INTS4: variants seen among roughly 807,000 people sequenced by gnomAD.
The protein encoded by INTS4 is integrator complex subunit 4, also known as MSTP093.
In INTS4, 70 loss-of-function variants were observed where a neutral mutation model predicts 119.5. That is an observed-to-expected ratio of 0.59 (90% CI 0.48 to 0.71). The LOEUF (loss-of-function observed/expected upper bound fraction) is 0.71, where lower values mean the gene tolerates loss of function less well. Ranked by LOEUF, INTS4 falls within the 30% of genes least tolerant of loss-of-function variation. INTS4 has a pLI of 0.00. For missense variants in INTS4, 867 were observed against 1,173.2 expected (o/e 0.74, Z 3.81); for synonymous variants, 316 against 419.6 (o/e 0.75, Z 3.02).
chr11:77,965,167 A>T (rs1855445810), intron 4 of INTS4, among the ~76,000 whole-genome samples: 1 of 152,186 alleles, frequency 6.6e-6, no homozygotes, highest in East Asian at 1.9e-4. Flanking sequence ...GGTTCAAGCA[A>T]TCCTCCTGAC....
Position 77,883,896 on chromosome 11 carries a change from C to G in INTS4, c.2649G>C (p.Arg883=). 1 of 1,613,074 alleles carries G rather than the reference C, an allele frequency of 6.2e-7. No homozygotes were observed. The highest frequency in any genetic ancestry group is 8.5e-7 in the Non-Finnish European group (1 of 1,179,552). Residue 883 remains arginine, a synonymous_variant, in exon 22 of 23, where the codon CGG becomes CGC. Transcript: ENST00000534064. The part of the protein sequence containing the change: ...QMIHPKPADF[R]NPGPGRHRLI... ...GCCGGTGCCGCCCTGGGCCAGGATT[C>G]CGGAAGTCTGCAGGCTTGGGGTGAA...
In INTS4 at chr11:77,960,255, C is replaced by G. The variant is rs747115213; in HGVS notation, c.708+86G>C. 7.6e-6 allele frequency: 7 copies of G among 919,838 alleles called. No homozygotes were observed. The South Asian group carries it at 1.1e-4, about 14-fold the overall frequency. 57.0% of individuals were successfully genotyped at this position (919,838 alleles called of 1,614,324 possible). A position where few individuals can be genotyped will look rare whatever the true frequency, so the allele number is the denominator to read the frequency against. ...CCACTATTAACTAGCGAAGTCCTTA[C>G]GTTTTCAAATTCTGAGAACCTGTGT... On this transcript the variant is annotated intron_variant, in intron 6 of 22. Coordinates refer to ENST00000534064, the MANE Select transcript of INTS4 (RefSeq NM_033547.4).
At chr11:77,943,710 T>C (rs1042900931) in intron 8 of INTS4, among the ~76,000 whole-genome samples, 15 of 152,230 alleles carry the variant, frequency 9.9e-5, no homozygotes, top group Non-Finnish European at 1.5e-4. Context: ...TAGTTAATGC[T>C]ATGAAAACCT....
At chr11:77,921,784 A>T (rs1404550309) in intron 13 of INTS4, among the ~76,000 whole-genome samples, 1 of 152,164 alleles carries the variant, frequency 6.6e-6, no homozygotes, top group African/African-American at 2.4e-5. Context: ...TAATCCCAAC[A>T]CTTTGGGAGG....
At chr11:77,894,689 T>G (rs1447839190) in intron 18 of INTS4, among the ~76,000 whole-genome samples, 1 of 152,238 alleles carries the variant, frequency 6.6e-6, no homozygotes, top group East Asian at 1.9e-4. Flanking sequence ...GAGTCCTTGC[T>G]TCATTAGCAT....
chr11:77,884,893 T>G, intron 21 of INTS4: 1 of 254,590 alleles, frequency 3.9e-6, no homozygotes, highest in Non-Finnish European at 8.4e-6. Flanking sequence ...GAGTGGGGAT[T>G]ACAGGCACGT....
chr11:77,943,108 A>G (rs1353835361), intron 8 of INTS4, among the ~76,000 whole-genome samples: 1 of 152,130 alleles, frequency 6.6e-6, no homozygotes, highest in Non-Finnish European at 1.5e-5. Context: ...TTTTTCTACT[A>G]GAATAAAATT....
intron 18 of INTS4, among the ~76,000 whole-genome samples, chr11:77,895,708 G>A (rs1001219934): frequency 1.3e-5 from 2 of 152,012 alleles, no homozygotes; most frequent in Non-Finnish European, 2.9e-5. Flanking sequence ...ATTTGGCCAA[G>A]CAGTGACATT....
chr11:77,932,501 T>C (rs1414767690), intron 10 of INTS4, among the ~76,000 whole-genome samples: 3 of 152,226 alleles, frequency 2.0e-5, no homozygotes, highest in Non-Finnish European at 4.4e-5. Context: ...ACTTTTACAC[T>C]GTTGGTGGGA....
intron 1 of INTS4, among the ~76,000 whole-genome samples, chr11:77,993,642 G>A (rs1283850189): frequency 5.8e-5 from 5 of 85,650 alleles, no homozygotes; most frequent in Non-Finnish European, 1.0e-4. Context: ...GACATATTTT[G>A]TATTTGTATT....
chr11:77,914,085 G>C (rs1953150640), intron 15 of INTS4, among the ~76,000 whole-genome samples: 1 of 152,256 alleles, frequency 6.6e-6, no homozygotes. Flanking sequence ...TGTCTGCAAT[G>C]ATGGTTGTAA....
chr11:77,947,104 T>A (rs1472042443), intron 8 of INTS4, among the ~76,000 whole-genome samples: 5 of 142,604 alleles, frequency 3.5e-5, no homozygotes, highest in Non-Finnish European at 3.1e-5. Flanking sequence ...AATAACCCAT[T>A]AAGAGGAAAA....
In INTS4 at chr11:77,883,834, G is replaced by C; in HGVS notation, c.2711C>G (p.Thr904Arg). The change falls in exon 22 of 23, where the codon ACA (threonine) becomes AGA (arginine). Residue 904 changes from threonine to arginine, a missense_variant and splice_region_variant. This residue lies in a region of INTS4 where 122 missense variants were observed against 133.2 expected (regional missense o/e 0.92). Transcript: ENST00000534064. ...CCACCCTGGTCCTGACTCCTTACCT[G>C]TCCAAGCGGTGTGGGAGAGATAAAC... ...TQVYLSHTAW[T>R]EACQVEVRLL... The C allele has an allele frequency of 1.2e-6, 2 of 1,612,838 alleles. No individual in the cohort carries two copies. The highest frequency in any genetic ancestry group is 1.7e-6 in the Non-Finnish European group (2 of 1,179,472).
intron 4 of INTS4, among the ~76,000 whole-genome samples, chr11:77,965,452 A>G (rs1855461506): frequency 6.6e-6 from 1 of 152,102 alleles, no homozygotes; most frequent in Non-Finnish European, 1.5e-5. Context: ...TTGAGCTGAA[A>G]CTTTATAACC....
At chr11:77,958,911 T>C (rs917790179) in intron 6 of INTS4, 77 bp from the exon 7 acceptor site, 6 of 971,860 alleles carry the variant, frequency 6.2e-6, no homozygotes, top group Admixed American at 2.0e-5. Flanking sequence ...AAAGTGAAGA[T>C]AGGGTGGTTG....
At chr11:77,923,944 T>C (rs1017175107) in intron 12 of INTS4, among the ~76,000 whole-genome samples, 1 of 150,828 alleles carries the variant, frequency 6.6e-6, no homozygotes, top group African/African-American at 2.4e-5. Context: ...TTTGCATTTT[T>C]AGTAGAGATG....
chr11:77,882,722 C>T (rs1951840487), intron 22 of INTS4, among the ~76,000 whole-genome samples: 1 of 152,164 alleles, frequency 6.6e-6, no homozygotes, highest in Admixed American at 6.5e-5. Context: ...GCTGCCCTAA[C>T]ATCCAACAGC....
In INTS4 at chr11:77,961,025, A is replaced by G; in HGVS notation, c.585T>C (p.Asp195=). 1 of 1,613,940 alleles carries G rather than the reference A, an allele frequency of 6.2e-7. No individual in the cohort carries two copies. The highest frequency in any genetic ancestry group is 8.5e-7 in the Non-Finnish European group (1 of 1,179,966). ...TKDAEGLAAR[D]VQKIIGDYFS... ...AGTAATCCCCTATAATCTTCTGGAC[A>G]TCTCTGGCAGCTAGGCCTTCTGCAT... Residue 195 remains aspartate, a synonymous_variant, in exon 5 of 23, where the codon GAT becomes GAC. Transcript: ENST00000534064.
rs746432431 is a variant in INTS4 at position 77,924,898 on chromosome 11, A to T, written c.1372-6T>A. On this transcript the variant is annotated splice_polypyrimidine_tract_variant and splice_region_variant and intron_variant, in intron 11 of 22. Transcript: ENST00000534064. ...CGAATATCTCTGGATGAATCCTTTT[A>T]AAAAAAAAGTAATAATAACAGTAGT... 1.2e-4 allele frequency: 187 copies of T among 1,567,800 alleles called. No individual in the cohort carries two copies. The highest frequency in any genetic ancestry group is 1.7e-4 in the Middle Eastern group (1 of 5,954).
Sources: allele counts gnomAD v4.1 joint callset (sites outside exome capture counted in the v4.1 genomes callset), GRCh38; gene constraint gnomAD v4.1.1; regional missense constraint gnomAD v4.1.1; transcripts MANE v1.5; gene names NCBI Gene and HGNC (gene_info 2026-07-23, HGNC 2026-07-21).